The following FBXO38 variants were observed in gnomAD, a reference collection of about 807,000 sequenced individuals.
The protein encoded by FBXO38 is F-box protein 38.
Under a neutral mutation model 131.9 loss-of-function variants are expected in FBXO38, and 53 were observed. That is an observed-to-expected ratio of 0.40 (90% CI 0.32 to 0.51). The LOEUF (loss-of-function observed/expected upper bound fraction) is 0.51, where lower values mean the gene tolerates loss of function less well. Among genes scored for constraint, FBXO38 ranks in the 20% least tolerant of loss-of-function variants. The pLI, the probability that FBXO38 is intolerant of heterozygous loss-of-function variation, is 0.53. For synonymous variants in FBXO38, 452 were observed against 505.6 expected, an observed-to-expected ratio of 0.89 and a Z score of 1.42; for missense variants, 1,076 against 1,475.6, an observed-to-expected ratio of 0.73 and a Z score of 4.44.
chr5:148,385,617 GGGTTTTTGTTTTGTTTTGTTTGTGTGT>G (rs1757873142), intron 1 of FBXO38, among the ~76,000 whole-genome samples: 1 of 152,076 alleles, frequency 6.6e-6, no homozygotes, highest in Admixed American at 6.5e-5. Flanking sequence ...TCCTGTTGGG[GGGTTTTTGTTTTGTTTTGTTTGTGTGT>G]GGTTTTTATC....
In FBXO38 at chr5:148,402,484, G is replaced by C; in HGVS notation, c.563G>C (p.Gly188Ala). 1.2e-6 allele frequency: 2 copies of C among 1,610,436 alleles called. No homozygotes were observed. The highest frequency in any genetic ancestry group is 2.2e-5 in the South Asian group (2 of 90,836). The change falls in exon 5 of 22, where the codon GGA becomes GCA. Residue 188 changes from glycine (G) to alanine (A), a missense_variant. Gly to Ala is a moderately conservative substitution (Grantham distance 60). Around this residue, in one of 8 missense-constraint regions of FBXO38, gnomAD observed 96 missense variants for 193.9 expected, o/e 0.50. Coordinates refer to ENST00000340253, the MANE Select transcript of FBXO38 (RefSeq NM_205836.3). ...GAAAATAAACTGAAAATTCCTATAG[G>C]AGCCAAAATTCAAACTTTACATTTA... ...PPENKLKIPI[G>A]AKIQTLHLVG...
intron 15 of FBXO38, among the ~76,000 whole-genome samples, chr5:148,429,473 A>G (rs1017154974): frequency 6.6e-5 from 10 of 152,006 alleles, no homozygotes; most frequent in Admixed American, 5.2e-4. Flanking sequence ...TGGTCATTCT[A>G]TTCTGTTCTG....
At chr5:148,403,367 A>G (rs1350572268) in intron 5 of FBXO38, among the ~76,000 whole-genome samples, 1 of 152,106 alleles carries the variant, frequency 6.6e-6, no homozygotes, top group Non-Finnish European at 1.5e-5. Context: ...TACCAGGAGA[A>G]TGGGCAGTTA....
intron 5 of FBXO38, among the ~76,000 whole-genome samples, chr5:148,402,753 G>T (rs535260713): frequency 1.4e-4 from 21 of 152,230 alleles, no homozygotes; most frequent in African/African-American, 4.8e-4. Flanking sequence ...TTATATACCA[G>T]TAACTTCAAC....
At chr5:148,401,430 C>T (rs1300943642) in intron 3 of FBXO38, among the ~76,000 whole-genome samples, 1 of 151,972 alleles carries the variant, frequency 6.6e-6, no homozygotes, top group Non-Finnish European at 1.5e-5. Flanking sequence ...TCTAAAATGG[C>T]GGGGGAGTAA....
chr5:148,428,872 T>G (rs1753873304), intron 15 of FBXO38, among the ~76,000 whole-genome samples: 1 of 152,246 alleles, frequency 6.6e-6, no homozygotes, highest in Non-Finnish European at 1.5e-5. Flanking sequence ...ATATGAGTTT[T>G]ATTTGAAGAC....
At chr5:148,419,036 A>C (rs1349634699) in intron 12 of FBXO38, among the ~76,000 whole-genome samples, 1 of 152,240 alleles carries the variant, frequency 6.6e-6, no homozygotes, top group Non-Finnish European at 1.5e-5. Flanking sequence ...TTAAGAAGCC[A>C]TAATTACTAT....
At chr5:148,409,312 G>T (rs950593965) in intron 8 of FBXO38, 95 bp downstream of exon 8, 1 of 776,662 alleles carries the variant, frequency 1.3e-6, no homozygotes, top group South Asian at 1.5e-5. Context: ...GTATATATGT[G>T]TGTACATTTG....
chr5:148,439,904 A>C, intron 19 of FBXO38, 112 bp downstream of exon 19: 1 of 1,084,504 alleles, frequency 9.2e-7, no homozygotes, highest in Non-Finnish European at 1.3e-6. Context: ...TAAGCTTTTC[A>C]AACAAGCTTA....
intron 11 of FBXO38, 64 bp downstream of exon 11, chr5:148,416,134 A>G (rs878988834): frequency 3.3e-6 from 4 of 1,195,902 alleles, no homozygotes; most frequent in South Asian, 1.8e-5. Flanking sequence ...ACAGCCTGTG[A>G]TTTTTTTTTT....
intron 9 of FBXO38, among the ~76,000 whole-genome samples, chr5:148,412,785 G>A (rs2113571576): frequency 6.6e-6 from 1 of 152,158 alleles, no homozygotes; most frequent in Non-Finnish European, 1.5e-5. Flanking sequence ...AGGGAAAAGT[G>A]ATGTATACAT....
At chr5:148,420,440 T>A (rs1753345390) in intron 12 of FBXO38, among the ~76,000 whole-genome samples, 1 of 152,114 alleles carries the variant, frequency 6.6e-6, no homozygotes, top group African/African-American at 2.4e-5. Flanking sequence ...AATGTTGCTG[T>A]TTTTTTAACA....
At chr5:148,441,050 G>A in intron 20 of FBXO38, 74 bp from the exon 21 acceptor site, 1 of 943,270 alleles carries the variant, frequency 1.1e-6, no homozygotes, top group South Asian at 1.3e-5. Flanking sequence ...TTTACATTCT[G>A]CTTACAAAAT....
intron 9 of FBXO38, among the ~76,000 whole-genome samples, chr5:148,412,540 A>T (rs1389021128): frequency 6.6e-6 from 1 of 152,086 alleles, no homozygotes; most frequent in Non-Finnish European, 1.5e-5. Context: ...GTTCATGTGG[A>T]TTTATGATCT....
At chr5:148,425,383 A>T (rs1753652795) in intron 13 of FBXO38, 139 bp from the exon 14 acceptor site, 1 of 592,602 alleles carries the variant, frequency 1.7e-6, no homozygotes, top group Non-Finnish European at 3.0e-6. Flanking sequence ...CAAGTGCATT[A>T]TCAGTTAAAA....
chr5:148,418,325 G>T (rs1234668372), intron 12 of FBXO38, among the ~76,000 whole-genome samples: 1 of 152,062 alleles, frequency 6.6e-6, no homozygotes, highest in African/African-American at 2.4e-5. Flanking sequence ...TTTTGTCCAT[G>T]ATATCTTTCT....
intron 7 of FBXO38, among the ~76,000 whole-genome samples, chr5:148,407,465 G>A (rs900916655): frequency 1.3e-5 from 2 of 151,936 alleles, no homozygotes; most frequent in African/African-American, 4.8e-5. Flanking sequence ...ATTTTGAAAT[G>A]AAATTTAAAA....
intron 17 of FBXO38, 77 bp downstream of exon 17, chr5:148,433,814 AG>A: frequency 1.4e-6 from 1 of 712,452 alleles, no homozygotes; most frequent in Non-Finnish European, 2.3e-6. Flanking sequence ...ATACTGTAAT[AG>A]CATTACTGTC....
intron 15 of FBXO38, chr5:148,433,216 T>C (rs1276899483): frequency 6.3e-6 from 3 of 478,492 alleles, no homozygotes; most frequent in Middle Eastern, 4.2e-4. Flanking sequence ...AGGGTTGTTA[T>C]GTTTGATGTA....
Sources: allele counts gnomAD v4.1 joint callset (sites outside exome capture counted in the v4.1 genomes callset), GRCh38; gene constraint gnomAD v4.1.1; regional missense constraint gnomAD v4.1.1; transcripts MANE v1.5; gene names NCBI Gene and HGNC (gene_info 2026-07-23, HGNC 2026-07-21).